The following FRAS1 variants were observed in gnomAD, a reference collection of about 807,000 sequenced individuals.
FRAS1 encodes extracellular matrix organizing protein FRAS1.
In FRAS1, 290 loss-of-function variants were observed where a neutral mutation model predicts 435.2. The ratio of observed to expected loss-of-function variants is 0.67; its 90% CI spans 0.61 to 0.73. The LOEUF is 0.73. Among genes scored for constraint, FRAS1 ranks in the 30% least tolerant of loss-of-function variants. The probability of loss-of-function intolerance (pLI) is 0.00; values close to 1 mark genes in which losing one functional copy is unlikely to be tolerated. For missense variants in FRAS1, 4,860 were observed against 5,001.5 expected (o/e 0.97, Z 0.85); for synonymous variants, 1,800 against 1,851.0 (o/e 0.97, Z 0.71).
chr4:78,335,449 G>A (rs930424606), intron 19 of FRAS1, among the ~76,000 whole-genome samples: 1 of 152,182 alleles, frequency 6.6e-6, no homozygotes, highest in African/African-American at 2.4e-5. Context: ...GAAACTGCAA[G>A]CTGCCTATCA....
At chr4:78,507,271 TA>T in intron 61 of FRAS1, 149 bp from the exon 62 acceptor site, 1 of 691,290 alleles carries the variant, frequency 1.4e-6, no homozygotes, top group Non-Finnish European at 2.3e-6. Flanking sequence ...GAGATGGGGC[TA>T]AAGTGATTAG....
chr4:78,531,518 AT>A (rs1296324940), intron 70 of FRAS1, among the ~76,000 whole-genome samples: 1 of 152,140 alleles, frequency 6.6e-6, no homozygotes, highest in Admixed American at 6.6e-5. Flanking sequence ...TGTCCCATCA[AT>A]ACCTAGTTTA....
intron 2 of FRAS1, among the ~76,000 whole-genome samples, chr4:78,232,036 AT>A (rs768771598): frequency 6.6e-6 from 1 of 152,162 alleles, no homozygotes; most frequent in Non-Finnish European, 1.5e-5. Context: ...CAATAGCAAC[AT>A]GGAAAATCTG....
At chr4:78,242,983 G>T (rs1317556050) in intron 3 of FRAS1, among the ~76,000 whole-genome samples, 2 of 152,152 alleles carry the variant, frequency 1.3e-5, no homozygotes, top group African/African-American at 4.8e-5. Flanking sequence ...TTGAGAGAAA[G>T]AACACAAAGG....
At chr4:78,171,544 C>T (rs1370878613) in intron 2 of FRAS1, among the ~76,000 whole-genome samples, 6 of 152,178 alleles carry the variant, frequency 3.9e-5, no homozygotes, top group Non-Finnish European at 7.3e-5. Flanking sequence ...CCTCCACCCC[C>T]ACACCTACCA....
At chr4:78,278,994 C>T (rs969133820) in intron 10 of FRAS1, among the ~76,000 whole-genome samples, 2 of 152,176 alleles carry the variant, frequency 1.3e-5, no homozygotes, top group South Asian at 2.1e-4. Flanking sequence ...ACATACTACA[C>T]ATCAGGTGCT....
At chr4:78,091,647 ATC>A (rs1741532130) in intron 2 of FRAS1, among the ~76,000 whole-genome samples, 1 of 96,254 alleles carries the variant, frequency 1.0e-5, no homozygotes. Context: ...GTGTGTGTGA[ATC>A]TATATATATA....
intron 9 of FRAS1, among the ~76,000 whole-genome samples, chr4:78,277,103 A>T (rs560895927): frequency 2.6e-5 from 4 of 152,106 alleles, no homozygotes; most frequent in Non-Finnish European, 5.9e-5. Context: ...TGAGCATGGG[A>T]CCCTCCGAGC....
chr4:78,473,661 G>A (rs1719777038), intron 53 of FRAS1, 64 bp downstream of exon 53: 1 of 1,344,896 alleles, frequency 7.4e-7, no homozygotes. Flanking sequence ...GAGTCAGGAT[G>A]AAGGATGCTG....
intron 2 of FRAS1, among the ~76,000 whole-genome samples, chr4:78,234,360 G>C (rs537920145): frequency 6.6e-6 from 1 of 151,838 alleles, no homozygotes; most frequent in African/African-American, 2.4e-5. Context: ...CGAGTAGCTG[G>C]GACTACAGGC....
intron 53 of FRAS1, among the ~76,000 whole-genome samples, chr4:78,474,236 T>C (rs1719797362): frequency 6.6e-6 from 1 of 152,106 alleles, no homozygotes; most frequent in Non-Finnish European, 1.5e-5. Context: ...TGTTGGAGAG[T>C]TAGAAAGGCA....
intron 14 of FRAS1, among the ~76,000 whole-genome samples, chr4:78,300,611 G>T (rs1238472024): frequency 6.6e-6 from 1 of 152,126 alleles, no homozygotes; most frequent in East Asian, 1.9e-4. Flanking sequence ...GCCAGAGAGT[G>T]ATTTGAAACA....
At chr4:78,410,096 G>A (rs1187826896) in intron 31 of FRAS1, among the ~76,000 whole-genome samples, 5 of 152,138 alleles carry the variant, frequency 3.3e-5, no homozygotes, top group African/African-American at 7.2e-5. Flanking sequence ...CAGAATGAAG[G>A]CAAAGACCTC....
chr4:78,205,443 C>T lies in FRAS1; in HGVS notation c.109-32067C>T, dbSNP rs189724501. Among the ~76,000 whole-genome samples, 22 of 152,268 alleles carry T rather than the reference C, an allele frequency of 1.4e-4. No homozygotes were observed. In the East Asian group the frequency reaches 4.3e-3, roughly 29 times the overall value. ...TCCTGGGCTCTAGTGATCCACCTGC[C>T]TTGACCTCCCAAAGTGCTGGGATTA... On this transcript the variant is annotated intron_variant, in intron 2 of 73. Coordinates refer to ENST00000512123, the MANE Select transcript of FRAS1 (RefSeq NM_025074.7).
chr4:78,307,668 A>C (rs896619877), intron 14 of FRAS1, among the ~76,000 whole-genome samples: 1 of 151,986 alleles, frequency 6.6e-6, no homozygotes, highest in Non-Finnish European at 1.5e-5. Flanking sequence ...GAACTCCCTG[A>C]CCCCTTGCGC....
intron 20 of FRAS1, among the ~76,000 whole-genome samples, chr4:78,357,342 C>T (rs1730895059): frequency 6.6e-6 from 1 of 152,200 alleles, no homozygotes; most frequent in African/African-American, 2.4e-5. Flanking sequence ...TTGCTCAGCA[C>T]ACTGTGTCCC....
chr4:78,367,772 T>C (rs1731335726), intron 22 of FRAS1, among the ~76,000 whole-genome samples: 1 of 152,222 alleles, frequency 6.6e-6, no homozygotes, highest in Admixed American at 6.5e-5. Flanking sequence ...GTAGGTTCAT[T>C]ATTTCAACTG....
intron 3 of FRAS1, among the ~76,000 whole-genome samples, chr4:78,238,545 A>G (rs1383205319): frequency 6.6e-6 from 1 of 152,056 alleles, no homozygotes; most frequent in Non-Finnish European, 1.5e-5. Flanking sequence ...AAGTGAAGGT[A>G]TGCCTTTAAG....
At chr4:78,468,202 T>C (rs1719591668) in intron 50 of FRAS1, among the ~76,000 whole-genome samples, 1 of 152,226 alleles carries the variant, frequency 6.6e-6, no homozygotes, top group Admixed American at 6.5e-5. Flanking sequence ...GTTTCATAGT[T>C]TGAGGTCTTA....
Sources: gnomAD v4.1 joint callset for allele counts (sites outside exome capture counted in the v4.1 genomes callset) on GRCh38, gnomAD v4.1.1 for gene constraint, MANE v1.5 for transcripts, NCBI Gene and HGNC (gene_info 2026-07-23, HGNC 2026-07-21) for gene names.